MMP20: variants seen among roughly 807,000 people sequenced by gnomAD.
MMP20 encodes matrix metalloproteinase-20.
A neutral mutation model predicts 51.8 loss-of-function variants in MMP20; 50 were observed. That is an observed-to-expected ratio of 0.97 (90% CI 0.77 to 1.22). The LOEUF is 1.22. Ranked by LOEUF, MMP20 falls within the 50% of genes most tolerant of loss-of-function variation. The pLI is 0.00. For synonymous variants in MMP20, 244 were observed against 216.2 expected (o/e 1.13, Z -1.13); for missense variants, 663 against 601.4 (o/e 1.10, Z -1.07).
intron 5 of MMP20, chr11:102,607,981 G>T (rs929820882): frequency 1.3e-5 from 2 of 152,216 alleles, no homozygotes; most frequent in Admixed American, 1.3e-4. Flanking sequence ...CTGGCTGAAA[G>T]CTTCTTGGGA....
At chr11:102,602,075 G>A (rs201767833) in intron 6 of MMP20, among the ~76,000 whole-genome samples, 16 of 144,288 alleles carry the variant, frequency 1.1e-4, no homozygotes, top group Non-Finnish European at 2.3e-4. Flanking sequence ...TCAGCCTCCC[G>A]AGTAGCTGGG....
intron 5 of MMP20, chr11:102,607,448 T>C (rs1711426): frequency 0.41 from 63,336 of 152,696 alleles, 13,503 homozygotes; most frequent in South Asian, 0.59. Context: ...TCGTCATAAT[T>C]ACAGGTGAGA....
rs143928586 is a variant in MMP20, at chr11:102,614,456, A to G, written c.374+2356T>C. Among the ~76,000 whole-genome samples the G allele has an allele frequency of 2.1e-3, 319 of 152,282 alleles. 2 individuals carry two copies. Among genetic ancestry groups the G allele is most frequent in the African/African-American group, 7.0e-3 (290 of 41,542 alleles). ...AATATTATACTTCCCTAAGCATCACATTATCTTGACCCAGGCTTCTTGTCT... is the reference window on the plus strand; with the variant it reads ...AATATTATACTTCCCTAAGCATCACGTTATCTTGACCCAGGCTTCTTGTCT... On this transcript the variant is annotated intron_variant, in intron 2 of 9. Transcript: ENST00000260228.
intron 9 of MMP20, among the ~76,000 whole-genome samples, chr11:102,578,544 T>C (rs1221113588): frequency 6.6e-6 from 1 of 151,976 alleles, no homozygotes; most frequent in East Asian, 1.9e-4. Context: ...TTCCATTAGG[T>C]GGCCAACATG....
At chr11:102,577,468 A>G (rs1859139513) in intron 9 of MMP20, 42 bp from the exon 10 acceptor site, 1 of 1,306,178 alleles carries the variant, frequency 7.7e-7, no homozygotes, top group South Asian at 1.2e-5. Context: ...GAAGATGTCC[A>G]GCACATATAT....
At chr11:102,614,803 G>GA (rs34970756) in intron 2 of MMP20, among the ~76,000 whole-genome samples, 47 of 149,220 alleles carry the variant, frequency 3.1e-4, no homozygotes, top group Middle Eastern at 6.8e-3. Context: ...TCTACAAGGA[G>GA]AAAAAAAAAA....
intron 2 of MMP20, 44 bp from the exon 3 acceptor site, chr11:102,611,947 C>T (rs372557881): frequency 2.0e-5 from 31 of 1,584,362 alleles, no homozygotes; most frequent in Middle Eastern, 3.3e-4. Context: ...GTAACTGCTC[C>T]GAAGAAGGCA....
chr11:102,578,168 G>A (rs1403439961), intron 9 of MMP20, among the ~76,000 whole-genome samples: 1 of 149,576 alleles, frequency 6.7e-6, no homozygotes, highest in Admixed American at 6.7e-5. Context: ...TTTTGAGACA[G>A]GGTATCACTC....
Position 102,594,691 on chromosome 11 carries a change from G to A in MMP20, c.1020C>T (p.Phe340=), listed in dbSNP as rs1859358936. 1 of 1,612,838 alleles carries A rather than the reference G, an allele frequency of 6.2e-7. No homozygotes were observed. Among genetic ancestry groups the A allele is most frequent in the South Asian group, 1.1e-5 (1 of 91,038 alleles). Residue 340 remains phenylalanine (F), a synonymous_variant, in exon 7 of 10, where the codon TTC becomes TTT. Transcript: ENST00000260228. ...GIRPSTITSS[F]PQLMSNVDAA... ...CATCCACATTGGACATGAGCTGGGGGAAGGAGCTGGTAATAGTGCTGGGCC... is the reference window on the plus strand; with the variant it reads ...CATCCACATTGGACATGAGCTGGGGAAAGGAGCTGGTAATAGTGCTGGGCC...
At chr11:102,579,317 T>A (rs915341693) in intron 8 of MMP20, among the ~76,000 whole-genome samples, 175 bp from the exon 9 acceptor site, 1 of 151,834 alleles carries the variant, frequency 6.6e-6, no homozygotes, top group Non-Finnish European at 1.5e-5. Flanking sequence ...CTTTGTTGTG[T>A]TTTTGTTTTT....
intron 6 of MMP20, 93 bp from the exon 7 acceptor site, chr11:102,594,850 G>A (rs947000480): frequency 3.3e-5 from 50 of 1,493,060 alleles, no homozygotes; most frequent in Non-Finnish European, 4.4e-5. Flanking sequence ...GTACTCAGAG[G>A]CCACTCACTA....
intron 8 of MMP20, among the ~76,000 whole-genome samples, chr11:102,591,184 T>A (rs1214639131): frequency 6.6e-6 from 1 of 152,202 alleles, no homozygotes; most frequent in African/African-American, 2.4e-5. Flanking sequence ...TACAATAGGT[T>A]TCTCTAAACT....
At position 102,613,059 on chromosome 11, in the gene MMP20, G is replaced by T. The variant is rs950986830; in HGVS notation, c.375-1156C>A. ...GCCCAAAATAATACATTCTTAAAGA[G>T]GAAGGGCTAGCTTTAAAAACGGAGG... On this transcript the variant is annotated intron_variant, in intron 2 of 9. Coordinates refer to ENST00000260228, the MANE Select transcript of MMP20 (RefSeq NM_004771.4). Among the ~76,000 whole-genome samples the T allele has an allele frequency of 3.9e-5, 6 of 152,148 alleles. No individual in the cohort carries two copies. The East Asian group carries it at 9.6e-4, about 24-fold the overall frequency.
intron 8 of MMP20, among the ~76,000 whole-genome samples, chr11:102,589,642 T>C (rs1381811558): frequency 6.6e-6 from 1 of 152,172 alleles, no homozygotes; most frequent in African/African-American, 2.4e-5. Context: ...TAATTGTTGG[T>C]AGAGTTAAGA....
At chr11:102,605,735 C>A (rs531279233) in intron 6 of MMP20, among the ~76,000 whole-genome samples, 1 of 152,140 alleles carries the variant, frequency 6.6e-6, no homozygotes, top group South Asian at 2.1e-4. Flanking sequence ...AATAATGCCA[C>A]ACATGAATGC....
At chr11:102,607,716 C>A (rs1047231701) in intron 5 of MMP20, 2 of 152,132 alleles carry the variant, frequency 1.3e-5, no homozygotes, top group African/African-American at 4.8e-5. Flanking sequence ...ATAGCTGTGC[C>A]AAAATATGTG....
At chr11:102,594,792 T>C (rs1399694437) in intron 6 of MMP20, 35 bp from the exon 7 acceptor site, 1 of 990,856 alleles carries the variant, frequency 1.0e-6, no homozygotes, top group East Asian at 2.7e-5. Flanking sequence ...AAAAAAAAAA[T>C]CAAGATCAAT....
At chr11:102,603,115 C>T (rs955625422) in intron 6 of MMP20, among the ~76,000 whole-genome samples, 3 of 152,232 alleles carry the variant, frequency 2.0e-5, no homozygotes, top group Admixed American at 6.5e-5. Flanking sequence ...TTAAAAGGTA[C>T]TGCATTCCAT....
intron 8 of MMP20, among the ~76,000 whole-genome samples, chr11:102,582,895 C>T (rs1194429612): frequency 6.6e-6 from 1 of 152,152 alleles, no homozygotes; most frequent in African/African-American, 2.4e-5. Flanking sequence ...CTATAACAAA[C>T]ATCACATGCT....
Sources: allele counts gnomAD v4.1 joint callset (sites outside exome capture counted in the v4.1 genomes callset), GRCh38; gene constraint gnomAD v4.1.1; transcripts MANE v1.5; gene names NCBI Gene and HGNC (gene_info 2026-07-23, HGNC 2026-07-21).